Variants in DCTN6 observed in about 807,000 individuals in gnomAD.
DCTN6 encodes the protein dynactin subunit 6, also known as dynactin 6.
Under a neutral mutation model 25.8 loss-of-function variants are expected in DCTN6, and 15 were observed. That is an observed-to-expected ratio of 0.58 (90% CI 0.39 to 0.89). DCTN6 has a LOEUF of 0.89. Among genes scored for constraint, DCTN6 ranks in the 40% least tolerant of loss-of-function variants. The probability of loss-of-function intolerance (pLI) is 0.00; values close to 1 mark genes in which losing one functional copy is unlikely to be tolerated. For missense variants in DCTN6, 198 were observed against 237.6 expected (o/e 0.83, Z 1.09); for synonymous variants, 64 against 78.3 (o/e 0.82, Z 0.96).
At chr8:30,169,877 T>TTC (rs1803739199) in intron 2 of DCTN6, among the ~76,000 whole-genome samples, 1 of 152,194 alleles carries the variant, frequency 6.6e-6, no homozygotes, top group Non-Finnish European at 1.5e-5. Context: ...AGCCTTCCTT[T>TTC]AAGAAGTTCA....
chr8:30,172,572 T>C (rs1337760324), intron 2 of DCTN6, among the ~76,000 whole-genome samples: 1 of 152,006 alleles, frequency 6.6e-6, no homozygotes, highest in Non-Finnish European at 1.5e-5. Flanking sequence ...CACCTCAGCC[T>C]CCTGAGTAGC....
At chr8:30,162,229 AC>A (rs1803607413) in intron 1 of DCTN6, among the ~76,000 whole-genome samples, 1 of 151,944 alleles carries the variant, frequency 6.6e-6, no homozygotes, top group South Asian at 2.1e-4. Context: ...AGCTGGGACT[AC>A]AGGCCACCAC....
chr8:30,161,454 A>C (rs1046426534), intron 1 of DCTN6, among the ~76,000 whole-genome samples: 3 of 152,150 alleles, frequency 2.0e-5, no homozygotes, highest in Non-Finnish European at 4.4e-5. Flanking sequence ...AATTATCTGC[A>C]TACCATTTGG....
At chr8:30,179,761 T>C (rs1803888604) in intron 5 of DCTN6, among the ~76,000 whole-genome samples, 1 of 152,172 alleles carries the variant, frequency 6.6e-6, no homozygotes, top group Non-Finnish European at 1.5e-5. Flanking sequence ...GTTAGTGTTG[T>C]TGTAGAATTA....
chr8:30,169,587 G>C (rs1803734435), intron 2 of DCTN6, among the ~76,000 whole-genome samples: 1 of 152,152 alleles, frequency 6.6e-6, no homozygotes, highest in African/African-American at 2.4e-5. Context: ...GGAGCGCCAG[G>C]GTTCACAGCA....
intron 1 of DCTN6, 37 bp from the exon 2 acceptor site, chr8:30,164,074 C>G (rs543452011): frequency 1.3e-6 from 2 of 1,561,272 alleles, no homozygotes; most frequent in Admixed American, 1.7e-5. Flanking sequence ...TATGTTTAAT[C>G]TTACCCCTGG....
chr8:30,166,412 T>A (rs1037592259), intron 2 of DCTN6, among the ~76,000 whole-genome samples: 4 of 151,624 alleles, frequency 2.6e-5, no homozygotes, highest in Non-Finnish European at 5.9e-5. Flanking sequence ...CTTCCCAAAG[T>A]GTTGGGATTA....
At chr8:30,165,265 T>C (rs1395150187) in intron 2 of DCTN6, among the ~76,000 whole-genome samples, 1 of 152,200 alleles carries the variant, frequency 6.6e-6, no homozygotes, top group Admixed American at 6.5e-5. Context: ...CATTTTACTC[T>C]GTTCTTTTAA....
At chr8:30,156,695 G>A (rs1048180066) in intron 1 of DCTN6, among the ~76,000 whole-genome samples, 68 of 151,910 alleles carry the variant, frequency 4.5e-4, no homozygotes, top group Middle Eastern at 3.4e-3. Flanking sequence ...GGCGGGGGGG[G>A]CTGTGAGGGG....
chr8:30,163,200 G>A (rs1803619550), intron 1 of DCTN6, among the ~76,000 whole-genome samples: 1 of 152,178 alleles, frequency 6.6e-6, no homozygotes, highest in Non-Finnish European at 1.5e-5. Context: ...GGGAGGCTGA[G>A]GCAGGAGAGT....
chr8:30,158,206 C>T (rs1404291406), intron 1 of DCTN6, among the ~76,000 whole-genome samples: 1 of 152,184 alleles, frequency 6.6e-6, no homozygotes, highest in Non-Finnish European at 1.5e-5. Flanking sequence ...CTCCTACTCT[C>T]AGTTGCCCAG....
intron 2 of DCTN6, among the ~76,000 whole-genome samples, chr8:30,168,840 G>C (rs952894094): frequency 6.6e-6 from 1 of 152,186 alleles, no homozygotes; most frequent in African/African-American, 2.4e-5. Context: ...CTTGGGAAAA[G>C]TAACAGCCCT....
chr8:30,163,699 C>CTTT (rs201907906), intron 1 of DCTN6, among the ~76,000 whole-genome samples: 1 of 137,710 alleles, frequency 7.3e-6, no homozygotes, highest in Admixed American at 7.3e-5. Context: ...ATTTTTCCAT[C>CTTT]TTTTTTTTTT....
intron 1 of DCTN6, among the ~76,000 whole-genome samples, chr8:30,161,855 C>T (rs1380203539): frequency 6.6e-6 from 1 of 150,872 alleles, no homozygotes; most frequent in Non-Finnish European, 1.5e-5. Context: ...TCACACCACT[C>T]TCCTGCCTCA....
intron 6 of DCTN6, among the ~76,000 whole-genome samples, chr8:30,181,804 C>T (rs1388762347): frequency 6.6e-6 from 1 of 150,922 alleles, no homozygotes; most frequent in Non-Finnish European, 1.5e-5. Context: ...GTGGGAGGAT[C>T]GCTTGAGCCC....
chr8:30,170,189 G>C (rs1033659465), intron 2 of DCTN6, among the ~76,000 whole-genome samples: 3 of 150,114 alleles, frequency 2.0e-5, no homozygotes, highest in African/African-American at 4.9e-5. Context: ...AAAAAAAAAA[G>C]TTCACCAAAC....
intron 2 of DCTN6, among the ~76,000 whole-genome samples, chr8:30,170,726 C>G (rs1348894864): frequency 6.7e-6 from 1 of 148,724 alleles, no homozygotes; most frequent in East Asian, 2.0e-4. Context: ...ACTGCAACCT[C>G]TGCCTCCCGG....
At chr8:30,167,819 C>T (rs554723273) in intron 2 of DCTN6, among the ~76,000 whole-genome samples, 53 of 152,220 alleles carry the variant, frequency 3.5e-4, no homozygotes, top group African/African-American at 1.1e-3. Flanking sequence ...GTGTCTCAGC[C>T]TCCCAAGTAG....
Position 30,171,410 on chromosome 8 carries a change from T to A in DCTN6, c.89-3675T>A, listed in dbSNP as rs111282942. Among the ~76,000 whole-genome samples, 1,455 of 151,886 alleles carry A rather than the reference T, an allele frequency of 9.6e-3. 20 individuals carry two copies. Among genetic ancestry groups the A allele is most frequent in the South Asian group, 0.065 (310 of 4,802 alleles). On this transcript the variant is annotated intron_variant, in intron 2 of 6. Transcript: ENST00000221114. ...GACCACAGGTGCACCCCACCATAAC[T>A]GGCCAATTTTTTTTTAATTTTTCAT... is the stretch of plus-strand genomic sequence containing the variant.
Sources: gnomAD v4.1 joint callset for allele counts (sites outside exome capture counted in the v4.1 genomes callset) on GRCh38, gnomAD v4.1.1 for gene constraint, MANE v1.5 for transcripts, NCBI Gene and HGNC (gene_info 2026-07-23, HGNC 2026-07-21) for gene names.